PGM5: variants seen among roughly 807,000 people sequenced by gnomAD.
PGM5 encodes phosphoglucomutase 5, also known as phosphoglucomutase-like protein 5.
A neutral mutation model predicts 59.2 loss-of-function variants in PGM5; 23 were observed. That is an observed-to-expected ratio of 0.39 (90% CI 0.28 to 0.55). The LOEUF is 0.55. PGM5 is among the 20% of genes least tolerant of loss of function. The pLI is 0.66. For missense variants in PGM5, 574 were observed against 748.3 expected (o/e 0.77, Z 2.72); for synonymous variants, 214 against 286.0 (o/e 0.75, Z 2.54).
chr9:68,387,346 G>A, intron 3 of PGM5, 117 bp from the exon 4 acceptor site: 1 of 862,234 alleles, frequency 1.2e-6, no homozygotes, highest in Non-Finnish European at 1.9e-6. Context: ...CATGTGCAGG[G>A]ATATGATGGG....
rs569265594 is a variant in PGM5, at chr9:68,529,699, C to T, written c.*43C>T. 3.7e-5 allele frequency: 42 copies of T among 1,130,078 alleles called. No homozygotes were observed. The highest frequency in any genetic ancestry group is 2.5e-4 in the Middle Eastern group (1 of 3,974). The allele number at this position is 1,130,078 out of a possible 1,614,324, so 70.0% of individuals were successfully genotyped here. Reference sequence around the variant, plus strand: ...CACCAGGGCCAAAGAGAGTGCTCAGCGGGAGATGCTTCACTGATGCCTTCT... The same window carrying T: ...CACCAGGGCCAAAGAGAGTGCTCAGTGGGAGATGCTTCACTGATGCCTTCT... On this transcript the variant is annotated 3_prime_UTR_variant, in exon 11 of 11. Coordinates refer to ENST00000396396, the MANE Select transcript of PGM5 (RefSeq NM_021965.4).
In PGM5 at chr9:68,390,502, C is replaced by G. The variant is rs574704046; in HGVS notation, c.698-1032C>G. Among the ~76,000 whole-genome samples the G allele has an allele frequency of 2.0e-3, 297 of 152,106 alleles. 1 individual carries two copies. Among genetic ancestry groups the G allele is most frequent in the African/African-American group, 6.9e-3 (285 of 41,482 alleles). ...ATGGGGAAGAGAGTTTTTCTCCAAA[C>G]AAATCCCAAATGCTGTATCCAGAGG... On this transcript the variant is annotated intron_variant, in intron 4 of 10. Coordinates refer to ENST00000396396, the MANE Select transcript of PGM5 (RefSeq NM_021965.4).
rs947351677 is a variant in PGM5, at chr9:68,527,676, G to A, written c.1615-1891G>A. On this transcript the variant is annotated intron_variant, in intron 10 of 10. Coordinates refer to ENST00000396396, the MANE Select transcript of PGM5 (RefSeq NM_021965.4). ...GAATCAAGATGATCAACACGGAACCGGAGGAAAGTGCCACTTTCTTGTGTT... is the reference window on the plus strand; with the variant it reads ...GAATCAAGATGATCAACACGGAACCAGAGGAAAGTGCCACTTTCTTGTGTT... Among the ~76,000 whole-genome samples, 4 of 145,774 alleles carry A rather than the reference G, an allele frequency of 2.7e-5. 1 individual carries two copies. The highest frequency in any genetic ancestry group is 1.4e-4 in the Admixed American group (2 of 14,808).
chr9:68,417,342 G>A (rs782357464), intron 6 of PGM5, among the ~76,000 whole-genome samples: 53 of 152,246 alleles, frequency 3.5e-4, no homozygotes, highest in Admixed American at 1.3e-4. Flanking sequence ...AAGCATATGT[G>A]ATTAGCCCCA....
intron 6 of PGM5, among the ~76,000 whole-genome samples, chr9:68,415,809 A>ATCTATCTG (rs1823017191): frequency 8.0e-6 from 1 of 125,456 alleles, no homozygotes; most frequent in Non-Finnish European, 1.7e-5. Flanking sequence ...CTATCTATCT[A>ATCTATCTG]TCTATCTTAT....
At chr9:68,403,962 C>T (rs112913602) in intron 6 of PGM5, among the ~76,000 whole-genome samples, 3 of 152,084 alleles carry the variant, frequency 2.0e-5, no homozygotes, top group Admixed American at 2.0e-4. Context: ...AAATGTTGAC[C>T]GTAGTTCAAG....
chr9:68,525,852 C>G (rs1163461359), intron 10 of PGM5, among the ~76,000 whole-genome samples: 10 of 152,102 alleles, frequency 6.6e-5, no homozygotes, highest in African/African-American at 2.2e-4. Context: ...GTCAGGAGAT[C>G]AAGACCGTCC....
At chr9:68,450,669 A>C (rs1284977411) in intron 6 of PGM5, among the ~76,000 whole-genome samples, 1 of 152,240 alleles carries the variant, frequency 6.6e-6, no homozygotes, top group African/African-American at 2.4e-5. Context: ...TGAGGGGGGA[A>C]AAATCCACTG....
chr9:68,386,188 A>T (rs1368223372), intron 3 of PGM5, among the ~76,000 whole-genome samples: 5 of 151,976 alleles, frequency 3.3e-5, no homozygotes, highest in Non-Finnish European at 4.4e-5. Flanking sequence ...TAGAGTGAGT[A>T]AAACTTCCAA....
intron 6 of PGM5, among the ~76,000 whole-genome samples, chr9:68,410,378 G>A (rs1224259213): frequency 3.9e-5 from 6 of 152,164 alleles, no homozygotes; most frequent in Admixed American, 2.6e-4. Context: ...GGGACAACTA[G>A]CTGTCTGTAC....
chr9:68,475,420 T>C (rs1298090984), intron 7 of PGM5, among the ~76,000 whole-genome samples: 1 of 152,102 alleles, frequency 6.6e-6, no homozygotes, highest in Non-Finnish European at 1.5e-5. Context: ...GAAAAGCATC[T>C]GCAGTTCTAC....
chr9:68,478,030 A>G (rs782154045), intron 7 of PGM5, among the ~76,000 whole-genome samples: 15 of 152,388 alleles, frequency 9.8e-5, no homozygotes, highest in Non-Finnish European at 1.6e-4. Context: ...AACTTTCCAC[A>G]CATCTGTGAA....
intron 7 of PGM5, among the ~76,000 whole-genome samples, chr9:68,473,158 C>A (rs1554686390): frequency 6.6e-6 from 1 of 152,138 alleles, no homozygotes; most frequent in African/African-American, 2.4e-5. Context: ...CTCAGATCCA[C>A]CCAAAAAGAG....
Position 68,384,027 on chromosome 9 carries a change from C to T in PGM5, c.425-371C>T, listed in dbSNP as rs555196520. 2.0e-5 allele frequency among the ~76,000 whole-genome samples: 3 copies of T among 152,094 alleles called. No individual in the cohort carries two copies. The South Asian group carries it at 6.2e-4, about 31-fold the overall frequency. On this transcript the variant is annotated intron_variant, in intron 2 of 10. Transcript: ENST00000396396. ...GGAAGCTGCATGTAAATCTGGAATC[C>T]CTCACTTCTGTCAAATGCATATCCT... is the stretch of plus-strand genomic sequence containing the variant.
chr9:68,460,443 T>A (rs1298903612), intron 6 of PGM5, among the ~76,000 whole-genome samples: 1 of 152,150 alleles, frequency 6.6e-6, no homozygotes, highest in Non-Finnish European at 1.5e-5. Context: ...ACTGGTCAGA[T>A]AAAAATAATG....
intron 6 of PGM5, among the ~76,000 whole-genome samples, chr9:68,444,315 T>C (rs1823576908): frequency 6.6e-6 from 1 of 152,160 alleles, no homozygotes; most frequent in African/African-American, 2.4e-5. Flanking sequence ...CCCTAACTTC[T>C]CTTTCCATAG....
chr9:68,403,799 G>A (rs1402256604), intron 6 of PGM5, among the ~76,000 whole-genome samples: 6 of 152,178 alleles, frequency 3.9e-5, no homozygotes, highest in Non-Finnish European at 5.9e-5. Context: ...GGGGTAGGGA[G>A]AGAGACCTGT....
At chr9:68,413,577 G>C (rs142881453) in intron 6 of PGM5, among the ~76,000 whole-genome samples, 1 of 152,316 alleles carries the variant, frequency 6.6e-6, no homozygotes, top group Non-Finnish European at 1.5e-5. Flanking sequence ...GAAAAGTAAA[G>C]TTTGTATCTG....
At chr9:68,407,846 T>C (rs1822850740) in intron 6 of PGM5, among the ~76,000 whole-genome samples, 1 of 152,250 alleles carries the variant, frequency 6.6e-6, no homozygotes. Flanking sequence ...TGCTCTTTGA[T>C]ATACCTGTGC....
Sources: gnomAD v4.1 joint callset for allele counts (sites outside exome capture counted in the v4.1 genomes callset) on GRCh38, gnomAD v4.1.1 for gene constraint, MANE v1.5 for transcripts, NCBI Gene and HGNC (gene_info 2026-07-23, HGNC 2026-07-21) for gene names.